DOCK1: variants seen among roughly 807,000 people sequenced by gnomAD.
DOCK1 encodes the protein dedicator of cytokinesis 1.
In DOCK1, 138 loss-of-function variants were observed where a neutral mutation model predicts 262.7. The observed-to-expected ratio is 0.53, with a 90% CI of 0.46 to 0.61. The LOEUF is 0.61. Among genes scored for constraint, DOCK1 ranks in the 20% least tolerant of loss-of-function variants. The pLI is 0.00. For missense variants in DOCK1, 1,908 were observed against 2,370.7 expected, an observed-to-expected ratio of 0.80 and a Z score of 4.05; for synonymous variants, 866 against 867.4, an observed-to-expected ratio of 1.00 and a Z score of 0.03.
chr10:127,413,103 C>T (rs1227882906), intron 43 of DOCK1, among the ~76,000 whole-genome samples: 1 of 152,216 alleles, frequency 6.6e-6, no homozygotes, highest in South Asian at 2.1e-4. Context: ...TGGAGTCCCT[C>T]AACTGTGGGA....
intron 27 of DOCK1, among the ~76,000 whole-genome samples, chr10:127,228,920 G>T (rs1270944116): frequency 1.3e-5 from 2 of 152,144 alleles, no homozygotes; most frequent in Non-Finnish European, 2.9e-5. Flanking sequence ...TTTTTCACGT[G>T]TGGTGAGAAC....
rs201769109 is a variant in DOCK1 at position 127,025,475 on chromosome 10, CTCAT to C, written c.1551+695_1551+698del. On this transcript the variant is annotated intron_variant, in intron 15 of 51. Coordinates refer to ENST00000623213, the MANE Select transcript of DOCK1 (RefSeq NM_001290223.2). Reference sequence around the variant, plus strand: ...AACTTTTCTTTTTTTGAGACGGAGTCTCATTCTGTCACCCAGACTGGAGTGCAGT... The same window carrying C: ...AACTTTTCTTTTTTTGAGACGGAGTCTCTGTCACCCAGACTGGAGTGCAGT... Among the ~76,000 whole-genome samples, 1,162 of 152,192 alleles carry C rather than the reference CTCAT, an allele frequency of 7.6e-3. 20 individuals are homozygous for C. The highest frequency in any genetic ancestry group is 0.026 in the African/African-American group (1,088 of 41,540).
chr10:127,366,891 G>A (rs982702452), intron 33 of DOCK1, among the ~76,000 whole-genome samples: 6 of 152,202 alleles, frequency 3.9e-5, no homozygotes, highest in African/African-American at 1.4e-4. Flanking sequence ...TACTGGAGTA[G>A]GGGGAAGATA....
At chr10:127,019,795 A>ATCC (rs1294181353) in intron 13 of DOCK1, among the ~76,000 whole-genome samples, 1 of 152,156 alleles carries the variant, frequency 6.6e-6, no homozygotes, top group Non-Finnish European at 1.5e-5. Context: ...AAGCCCACAA[A>ATCC]TTGGTGTTGA....
At chr10:127,162,616 C>A (rs2053682964) in intron 27 of DOCK1, among the ~76,000 whole-genome samples, 1 of 152,136 alleles carries the variant, frequency 6.6e-6, no homozygotes, top group Admixed American at 6.5e-5. Context: ...AGATTTAAAC[C>A]CTGGAAGGAT....
At chr10:127,240,111 T>A (rs1260967754) in intron 27 of DOCK1, among the ~76,000 whole-genome samples, 3 of 152,124 alleles carry the variant, frequency 2.0e-5, no homozygotes, top group Non-Finnish European at 4.4e-5. Context: ...TATATTTCTT[T>A]CCTTATAGTG....
chr10:126,985,193 C>A lies in DOCK1; in HGVS notation c.228-2328C>A, dbSNP rs532528848. Among the ~76,000 whole-genome samples the A allele has an allele frequency of 2.6e-5, 4 of 152,152 alleles. No individual in the cohort carries two copies. The South Asian group carries it at 8.3e-4, about 32-fold the overall frequency. On this transcript the variant is annotated intron_variant, in intron 4 of 51. Coordinates refer to ENST00000623213, the MANE Select transcript of DOCK1 (RefSeq NM_001290223.2). ...ACAGGGTTTCACCACGTTGGCCAAG[C>A]TGGCTTTGAACCCCTGACCTCACGT... is the stretch of plus-strand genomic sequence containing the variant.
At chr10:127,220,580 C>T (rs1349137394) in intron 27 of DOCK1, among the ~76,000 whole-genome samples, 2 of 151,866 alleles carry the variant, frequency 1.3e-5, no homozygotes, top group East Asian at 3.9e-4. Context: ...TGTCTTGCAA[C>T]CCTAGCTGTA....
At chr10:126,928,134 A>G (rs1196768971) in intron 1 of DOCK1, among the ~76,000 whole-genome samples, 2 of 152,184 alleles carry the variant, frequency 1.3e-5, no homozygotes, top group Non-Finnish European at 2.9e-5. Flanking sequence ...AAAATGAAAC[A>G]TGCACAGAGT....
intron 31 of DOCK1, among the ~76,000 whole-genome samples, chr10:127,346,674 G>A (rs567269114): frequency 1.3e-5 from 2 of 152,304 alleles, no homozygotes; most frequent in East Asian, 3.9e-4. Context: ...TGCTTCCCAC[G>A]TAGTGGCGTG....
intron 23 of DOCK1, among the ~76,000 whole-genome samples, chr10:127,079,798 G>C (rs1289261639): frequency 6.6e-6 from 1 of 152,154 alleles, no homozygotes. Context: ...GGGCGTGTAG[G>C]TGCATGCCTG....
intron 27 of DOCK1, among the ~76,000 whole-genome samples, chr10:127,138,947 C>A (rs1403232092): frequency 6.6e-6 from 1 of 152,134 alleles, no homozygotes; most frequent in African/African-American, 2.4e-5. Context: ...TGGGATAGGA[C>A]CCCCGGTCCA....
chr10:127,396,043 T>C, intron 38 of DOCK1, among the ~76,000 whole-genome samples: 1 of 151,396 alleles, frequency 6.6e-6, no homozygotes, highest in East Asian at 1.9e-4. Flanking sequence ...ATGAGCAGGG[T>C]CACAGCTGCA....
At chr10:127,027,545 C>G (rs1323743304) in intron 16 of DOCK1, among the ~76,000 whole-genome samples, 1 of 152,096 alleles carries the variant, frequency 6.6e-6, no homozygotes, top group Admixed American at 6.5e-5. Flanking sequence ...GTGATTGCAC[C>G]ACTGCACTTC....
chr10:127,405,217 C>T (rs1032408213), intron 40 of DOCK1, among the ~76,000 whole-genome samples: 1 of 152,192 alleles, frequency 6.6e-6, no homozygotes, highest in African/African-American at 2.4e-5. Context: ...AACCAGGCTC[C>T]ATCCCTGAGA....
chr10:127,197,482 A>G (rs2057255641), intron 27 of DOCK1, among the ~76,000 whole-genome samples: 1 of 152,190 alleles, frequency 6.6e-6, no homozygotes, highest in Non-Finnish European at 1.5e-5. Context: ...GGGACTAAGC[A>G]GCCAGCCGAG....
At chr10:127,417,807 C>A (rs1195917076) in intron 44 of DOCK1, among the ~76,000 whole-genome samples, 1 of 152,086 alleles carries the variant, frequency 6.6e-6, no homozygotes, top group Non-Finnish European at 1.5e-5. Context: ...AACTCCTGAC[C>A]TCAGGTGACC....
intron 29 of DOCK1, among the ~76,000 whole-genome samples, chr10:127,289,472 T>A (rs2061275956): frequency 6.6e-6 from 1 of 152,190 alleles, no homozygotes; most frequent in South Asian, 2.1e-4. Context: ...CATGATAGAT[T>A]CTTTGCAGTG....
chr10:127,057,247 T>C (rs1013449140), intron 22 of DOCK1, among the ~76,000 whole-genome samples: 4 of 152,198 alleles, frequency 2.6e-5, no homozygotes, highest in Non-Finnish European at 4.4e-5. Flanking sequence ...AGAAAAACAA[T>C]TGTGCTCACA....
Sources: allele counts gnomAD v4.1 joint callset (sites outside exome capture counted in the v4.1 genomes callset), GRCh38; gene constraint gnomAD v4.1.1; transcripts MANE v1.5; gene names NCBI Gene and HGNC (gene_info 2026-07-23, HGNC 2026-07-21).